The following LONP1 variants were observed in gnomAD, a reference collection of about 807,000 sequenced individuals.
LONP1 encodes the protein lon peptidase 1, mitochondrial, also known as lon protease homolog, mitochondrial.
In LONP1, 31 loss-of-function variants were observed where a neutral mutation model predicts 98.5. The ratio of observed to expected loss-of-function variants is 0.31; its 90% confidence interval spans 0.24 to 0.42. The LOEUF is 0.42. Among genes scored for constraint, LONP1 ranks in the 20% least tolerant of loss-of-function variants. The probability of loss-of-function intolerance (pLI) is 1.00; values close to 1 mark genes in which losing one functional copy is unlikely to be tolerated. For synonymous variants in LONP1, 781 were observed against 594.7 expected (o/e 1.31, Z -4.56); for missense variants, 1,336 against 1,350.6 (o/e 0.99, Z 0.17).
rs1430297170 is a variant in LONP1 at position 5,700,664 on chromosome 19, G to A, written c.1506+125C>T. 1.3e-5 allele frequency: 18 copies of A among 1,346,222 alleles called. 1 individual carries two copies. The East Asian group carries it at 3.5e-4, about 26-fold the overall frequency. The allele number at this position is 1,346,222 out of a possible 1,614,324, so 83.4% of individuals were successfully genotyped here. On this transcript the variant is annotated intron_variant, in intron 9 of 17. Transcript: ENST00000360614. ...ATGCTACCTCCGCCGGGATCCCCCCGACCAGCACCCCCAGGCCTACGAATT... is the reference window on the plus strand; with the variant it reads ...ATGCTACCTCCGCCGGGATCCCCCCAACCAGCACCCCCAGGCCTACGAATT...
At position 5,707,953 on chromosome 19, in the gene LONP1, C is replaced by T. The variant is rs1474325768; in HGVS notation, c.933-127G>A. The T allele has an allele frequency of 1.8e-5, 19 of 1,072,628 alleles. No homozygotes were observed. In the East Asian group the frequency reaches 2.3e-4, roughly 13 times the overall value. 66.4% of individuals were successfully genotyped at this position (1,072,628 alleles called of 1,614,324 possible). ...GCTATGGGCACGGTCTAGGGGTGCT[C>T]GCTGGGAGCCAGCTCTGCTGCTTGT... On this transcript the variant is annotated intron_variant, in intron 5 of 17. Transcript: ENST00000360614.
chr19:5,697,933 C>T (rs1055266181), intron 10 of LONP1, among the ~76,000 whole-genome samples: 10 of 152,170 alleles, frequency 6.6e-5, no homozygotes, highest in South Asian at 2.1e-4. Flanking sequence ...AGAGGCTTCG[C>T]GACCACTTCA....
At position 5,708,334 on chromosome 19, in the gene LONP1, A is replaced by T; in HGVS notation, c.932+8T>A. On this transcript the variant is annotated splice_region_variant and intron_variant, in intron 5 of 17. Transcript: ENST00000360614. Reference sequence around the variant, plus strand: ...CCCGCCTGGCCAGCTGCCCGCACAGAGGCCCACCTGTAGAGAGGGTTCAAG... The same window carrying T: ...CCCGCCTGGCCAGCTGCCCGCACAGTGGCCCACCTGTAGAGAGGGTTCAAG... 6.6e-7 allele frequency: 1 copy of T among 1,504,546 alleles called. No individual in the cohort carries two copies. The highest frequency in any genetic ancestry group is 9.0e-7 in the Non-Finnish European group (1 of 1,112,280). 93.2% of individuals were successfully genotyped at this position (1,504,546 alleles called of 1,614,324 possible). A position where few individuals can be genotyped will look rare whatever the true frequency, so the allele number is the denominator to read the frequency against.
Position 5,707,156 on chromosome 19 carries a change from G to A in LONP1, c.1063-13C>T. 1 of 1,610,844 alleles carries A rather than the reference G, an allele frequency of 6.2e-7. No individual in the cohort carries two copies. The highest frequency in any genetic ancestry group is 8.5e-7 in the Non-Finnish European group (1 of 1,178,214). On this transcript the variant is annotated splice_polypyrimidine_tract_variant and intron_variant, in intron 6 of 17. Transcript: ENST00000360614. ...GCCGCTTAGGAATCTGCCGAGACAG[G>A]GAGGACAGAAAGGATGAGCAGAAGT...
intron 13 of LONP1, 21 bp from the exon 14 acceptor site, chr19:5,694,922 G>A (rs766524419): frequency 6.3e-7 from 1 of 1,586,128 alleles, no homozygotes; most frequent in Non-Finnish European, 8.6e-7. Flanking sequence ...AACCGTCAGG[G>A]TTGGGTCTGG....
chr19:5,705,688 C>T, intron 8 of LONP1, 84 bp downstream of exon 8: 1 of 1,267,546 alleles, frequency 7.9e-7, no homozygotes, highest in Non-Finnish European at 1.1e-6. Context: ...CCACGGGGCT[C>T]CCCGCTGGGT....
chr19:5,696,499 G>A (rs1568313125), intron 11 of LONP1, 128 bp from the exon 12 acceptor site: 1 of 1,376,784 alleles, frequency 7.3e-7, no homozygotes, highest in Non-Finnish European at 9.9e-7. Context: ...CCTTGGACGG[G>A]CAGCCTGCTG....
intron 17 of LONP1, 112 bp from the exon 18 acceptor site, chr19:5,692,320 G>C (rs1012988634): frequency 9.1e-7 from 1 of 1,103,050 alleles, no homozygotes; most frequent in Non-Finnish European, 1.3e-6. Flanking sequence ...AGTGATGCCG[G>C]GTTCTAAGCA....
In LONP1 at chr19:5,696,229, G is replaced by A. The variant is rs1365637199; in HGVS notation, c.1896+20C>T. On this transcript the variant is annotated intron_variant, in intron 12 of 17. Transcript: ENST00000360614. ...CGCTTACCCTCCCCAGCAAGCCCAG[G>A]CCCCAGACAGGCCCCCCACCTTGGA... 3 of 1,612,874 alleles carry A rather than the reference G, an allele frequency of 1.9e-6. No homozygotes were observed. The highest frequency in any genetic ancestry group is 1.1e-5 in the South Asian group (1 of 91,078).
intron 9 of LONP1, 111 bp downstream of exon 9, chr19:5,700,678 G>C (rs988512337): frequency 1.4e-6 from 2 of 1,443,500 alleles, no homozygotes; most frequent in Admixed American, 4.1e-5. Context: ...AGCACCCCCA[G>C]GCCTACGAAT....
intron 13 of LONP1, among the ~76,000 whole-genome samples, chr19:5,695,557 A>C (rs990894998): frequency 6.6e-6 from 1 of 152,210 alleles, no homozygotes; most frequent in African/African-American, 2.4e-5. Flanking sequence ...CCTCAAGGGC[A>C]GGGACCAGTG....
upstream of LONP1, chr19:5,720,195 G>A: frequency 1.4e-6 from 2 of 1,384,600 alleles, no homozygotes; most frequent in South Asian, 1.6e-5. Context: ...AAACGCACGT[G>A]ACGCCCGGCG....
chr19:5,702,350 AG>A (rs1463846009), intron 8 of LONP1, among the ~76,000 whole-genome samples: 1 of 130,024 alleles, frequency 7.7e-6, no homozygotes, highest in Non-Finnish European at 1.6e-5. Context: ...TCCGGGAGGG[AG>A]GTGGGGGGGT....
chr19:5,707,879 G>A lies in LONP1; in HGVS notation c.933-53C>T, dbSNP rs2055173247. 3.1e-6 allele frequency: 5 copies of A among 1,599,712 alleles called. No individual in the cohort carries two copies. The South Asian group carries it at 4.4e-5, about 14-fold the overall frequency. The stretch of plus-strand genomic sequence containing the variant: ...GGCCAGGGCCTCACGCTCTGCTGCA[G>A]TGCAGCCCCCAAACGGGGACCCGGT... On this transcript the variant is annotated intron_variant, in intron 5 of 17. Coordinates refer to ENST00000360614, the MANE Select transcript of LONP1 (RefSeq NM_004793.4).
chr19:5,710,176 C>T (rs1264526179), intron 4 of LONP1, among the ~76,000 whole-genome samples: 1 of 151,030 alleles, frequency 6.6e-6, no homozygotes, highest in Middle Eastern at 3.2e-3. Flanking sequence ...CTCTGCCTCC[C>T]AGGTTCAAGC....
At chr19:5,693,008 T>A (rs1469111864) in intron 17 of LONP1, among the ~76,000 whole-genome samples, 1 of 151,894 alleles carries the variant, frequency 6.6e-6, no homozygotes, top group African/African-American at 2.4e-5. Context: ...GTCGTCCCCA[T>A]CTCTAGCCTC....
chr19:5,691,976 T>TCAGTTCTGCCCAGACAGGGCCTGACATC lies in LONP1; in HGVS notation c.*55_*56insGATGTCAGGCCCTGTCTGGGCAGAACTG. Reference sequence around the variant, plus strand: ...GGTCCGGGCGCGCTCCCCACAGCGCTCAGTTCTGGCCCAGACAGGGCCTGA... The same window carrying TCAGTTCTGCCCAGACAGGGCCTGACATC: ...GGTCCGGGCGCGCTCCCCACAGCGCTCAGTTCTGCCCAGACAGGGCCTGACATCCAGTTCTGGCCCAGACAGGGCCTGA... On this transcript the variant is annotated 3_prime_UTR_variant, in exon 18 of 18. Coordinates refer to ENST00000360614, the MANE Select transcript of LONP1 (RefSeq NM_004793.4). 6.5e-7 allele frequency: 1 copy of TCAGTTCTGCCCAGACAGGGCCTGACATC among 1,536,484 alleles called. No homozygotes were observed. The highest frequency in any genetic ancestry group is 8.8e-7 in the Non-Finnish European group (1 of 1,135,666).
chr19:5,706,999 G>C, intron 7 of LONP1, 61 bp downstream of exon 7: 1 of 1,388,776 alleles, frequency 7.2e-7, no homozygotes, highest in Non-Finnish European at 1.0e-6. Context: ...GAGCCTGACT[G>C]ATGTCACGTG....
Position 5,693,856 on chromosome 19 carries a change from C to A in LONP1, c.2321-87G>T, listed in dbSNP as rs2054876832. 8 of 1,126,400 alleles carry A rather than the reference C, an allele frequency of 7.1e-6. No homozygotes were observed. The Admixed American group carries it at 1.6e-4, about 23-fold the overall frequency. 69.8% of individuals were successfully genotyped at this position (1,126,400 alleles called of 1,614,324 possible). A position where few individuals can be genotyped will look rare whatever the true frequency, so the allele number is the denominator to read the frequency against. On this transcript the variant is annotated intron_variant, in intron 15 of 17. Transcript: ENST00000360614. ...ACCCCTCGGGGCCACTCTGACCGCT[C>A]CTGCCCCAGTTTAGCATCTTGGTGC...
Sources: gnomAD v4.1 joint callset for allele counts (sites outside exome capture counted in the v4.1 genomes callset) on GRCh38, gnomAD v4.1.1 for gene constraint, MANE v1.5 for transcripts, NCBI Gene and HGNC (gene_info 2026-07-23, HGNC 2026-07-21) for gene names.